KCNQ1OT1: variants seen among roughly 807,000 people sequenced by gnomAD.
The protein encoded by KCNQ1OT1 is KCNQ1 antisense RNA 2 (non-protein coding).
At position 2,693,024 on chromosome 11, in the gene KCNQ1OT1, G is replaced by C. The variant is rs1590036398; in HGVS notation, n.6971C>G. On this transcript the variant is annotated non_coding_transcript_exon_variant, in exon 1 of 1. Transcript: ENST00000597346. ...AGCAAGCACGCTCAGTGAAGGAACA[G>C]GAAGTCCTTTCTGGAGCAGGGGGAG... 2.3e-5 allele frequency: 9 copies of C among 398,668 alleles called. No individual in the cohort carries two copies. The East Asian group carries it at 3.2e-4, about 14-fold the overall frequency. The allele number at this position is 398,668 out of a possible 1,614,324, so 24.7% of individuals were successfully genotyped here.
At chr11:2,696,716 A>G in exon 1 of KCNQ1OT1, 1 of 398,536 alleles carries the variant, frequency 2.5e-6, no homozygotes, top group Non-Finnish European at 4.4e-6. Context: ...ATATGGAAAG[A>G]TCTCCCTCTA....
In KCNQ1OT1 at chr11:2,673,375, G is replaced by C; in HGVS notation, n.26620C>G. 1 of 398,680 alleles carries C rather than the reference G, an allele frequency of 2.5e-6. No homozygotes were observed. Among genetic ancestry groups the C allele is most frequent in the Non-Finnish European group, 4.4e-6 (1 of 226,088 alleles). 24.7% of individuals were successfully genotyped at this position (398,680 alleles called of 1,614,324 possible). A position where few individuals can be genotyped will look rare whatever the true frequency, so the allele number is the denominator to read the frequency against. On this transcript the variant is annotated non_coding_transcript_exon_variant, in exon 1 of 1. Transcript: ENST00000597346. The surrounding 1 kb of genome is among the most constrained non-coding windows in gnomAD (Gnocchi z 4.5). ...AAACAAAGGGAAGTGACAGAGCAGA[G>C]CTCCCCTTGGCCTTTGTTTAGCCCA...
In KCNQ1OT1 at chr11:2,626,534, T is replaced by C; in HGVS notation, n.73461A>G. ...ACTGTAGCTTCGTAATAAGTTGGGGTTTTTGTTTGTTTTTCAGACATTCTT... is the reference window on the plus strand; with the variant it reads ...ACTGTAGCTTCGTAATAAGTTGGGGCTTTTGTTTGTTTTTCAGACATTCTT... On this transcript the variant is annotated non_coding_transcript_exon_variant, in exon 1 of 1. Coordinates refer to ENST00000597346, the Ensembl canonical transcript of KCNQ1OT1. The surrounding 1 kb of genome is among the most constrained non-coding windows in gnomAD (Gnocchi z 4.0). 2.5e-6 allele frequency: 1 copy of C among 398,418 alleles called. No homozygotes were observed. Among genetic ancestry groups the C allele is most frequent in the Non-Finnish European group, 4.4e-6 (1 of 226,054 alleles). The allele number at this position is 398,418 out of a possible 1,614,324, so 24.7% of individuals were successfully genotyped here.
At chr11:2,666,234 G>C (rs909753750) in exon 1 of KCNQ1OT1, 6 of 398,540 alleles carry the variant, frequency 1.5e-5, no homozygotes, top group Non-Finnish European at 2.2e-5. Flanking sequence ...CCGGCCCATT[G>C]AGATGGGCAT....
exon 1 of KCNQ1OT1, chr11:2,665,097 G>A (rs1479194119): frequency 1.0e-5 from 4 of 398,442 alleles, no homozygotes; most frequent in Non-Finnish European, 1.8e-5. Context: ...AGGAGATAAA[G>A]AGTGGCGTCG....
Position 2,691,743 on chromosome 11 carries a change from G to T in KCNQ1OT1, n.8252C>A. 2.5e-6 allele frequency: 1 copy of T among 398,658 alleles called. No individual in the cohort carries two copies. Among genetic ancestry groups the T allele is most frequent in the Non-Finnish European group, 4.4e-6 (1 of 226,142 alleles). 24.7% of individuals were successfully genotyped at this position (398,658 alleles called of 1,614,324 possible). On this transcript the variant is annotated non_coding_transcript_exon_variant, in exon 1 of 1. Coordinates refer to ENST00000597346, the Ensembl canonical transcript of KCNQ1OT1. The surrounding 1 kb of genome is among the most constrained non-coding windows in gnomAD (Gnocchi z 6.4). ...CCCACAGGGAGCCACACAGGCAGGG[G>T]ACATTCCACTAGGGCCATTTGCAGG...
In KCNQ1OT1 at chr11:2,623,192, A is replaced by G; in HGVS notation, n.76803T>C. ...GCCTGCTTCTCCTTTGCCTTCCGCC[A>G]TGATTTTAAGTTTCTGAGGCCTGCC... On this transcript the variant is annotated non_coding_transcript_exon_variant, in exon 1 of 1. Coordinates refer to ENST00000597346, the Ensembl canonical transcript of KCNQ1OT1. This position sits in a 1 kb window ranked among gnomAD's most constrained non-coding sequence, Gnocchi z 5.2. 2.5e-6 allele frequency: 1 copy of G among 398,614 alleles called. No homozygotes were observed. Among genetic ancestry groups the G allele is most frequent in the Non-Finnish European group, 4.4e-6 (1 of 226,134 alleles). 24.7% of individuals were successfully genotyped at this position (398,614 alleles called of 1,614,324 possible). A position where few individuals can be genotyped will look rare whatever the true frequency, so the allele number is the denominator to read the frequency against.
rs759878927 is a variant in KCNQ1OT1, at chr11:2,659,207, T to C, written n.40788A>G. The C allele has an allele frequency of 2.5e-6, 1 of 398,636 alleles. No homozygotes were observed. Among genetic ancestry groups the C allele is most frequent in the African/African-American group, 2.1e-5 (1 of 48,748 alleles). 24.7% of individuals were successfully genotyped at this position (398,636 alleles called of 1,614,324 possible). A position where few individuals can be genotyped will look rare whatever the true frequency, so the allele number is the denominator to read the frequency against. ...GTCATGTGTCCACAATCCAGTATCA[T>C]TCACAGAAGTTCCATACCCCTAAAA... On this transcript the variant is annotated non_coding_transcript_exon_variant, in exon 1 of 1. Coordinates refer to ENST00000597346, the Ensembl canonical transcript of KCNQ1OT1. The surrounding 1 kb of genome is among the most constrained non-coding windows in gnomAD (Gnocchi z 4.3).
chr11:2,646,218 A>G, exon 1 of KCNQ1OT1: 1 of 398,648 alleles, frequency 2.5e-6, no homozygotes, highest in Non-Finnish European at 4.4e-6. Flanking sequence ...GGTGAGTGCC[A>G]GATGCCTCTA....
chr11:2,609,005 A>G (rs2133787932), exon 1 of KCNQ1OT1: 1 of 397,716 alleles, frequency 2.5e-6, no homozygotes, highest in Admixed American at 4.4e-5. Flanking sequence ...TGTTGACTTT[A>G]TTATTTTTAT....
Position 2,686,167 on chromosome 11 carries a change from A to G in KCNQ1OT1, n.13828T>C, listed in dbSNP as rs557745999. 5 of 398,830 alleles carry G rather than the reference A, an allele frequency of 1.3e-5. No individual in the cohort carries two copies. The South Asian group carries it at 6.4e-4, about 51-fold the overall frequency. The allele number at this position is 398,830 out of a possible 1,614,324, so 24.7% of individuals were successfully genotyped here. ...CTGGGGTTTGCTTCGCCTTTCTGAGAGCACAGCAATGCCTACTCATCCTGC... is the reference window on the plus strand; with the variant it reads ...CTGGGGTTTGCTTCGCCTTTCTGAGGGCACAGCAATGCCTACTCATCCTGC... On this transcript the variant is annotated non_coding_transcript_exon_variant, in exon 1 of 1. Coordinates refer to ENST00000597346, the Ensembl canonical transcript of KCNQ1OT1.
chr11:2,663,331 G>A lies in KCNQ1OT1; in HGVS notation n.36664C>T. On this transcript the variant is annotated non_coding_transcript_exon_variant, in exon 1 of 1. Transcript: ENST00000597346. This position sits in a 1 kb window ranked among gnomAD's most constrained non-coding sequence, Gnocchi z 5.2. ...GCTGGGTAAAAAGGCAGGAGCAGAGGTGTGAGCAGGCTGGTAGCCAGATGG... is the reference window on the plus strand; with the variant it reads ...GCTGGGTAAAAAGGCAGGAGCAGAGATGTGAGCAGGCTGGTAGCCAGATGG... 1 of 398,850 alleles carries A rather than the reference G, an allele frequency of 2.5e-6. No homozygotes were observed. The allele number at this position is 398,850 out of a possible 1,614,324, so 24.7% of individuals were successfully genotyped here. A position where few individuals can be genotyped will look rare whatever the true frequency, so the allele number is the denominator to read the frequency against.
At chr11:2,650,653 T>C in exon 1 of KCNQ1OT1, 1 of 398,674 alleles carries the variant, frequency 2.5e-6, no homozygotes, top group Non-Finnish European at 4.4e-6. Flanking sequence ...CTTCAAACTT[T>C]TTGACAAAGC....
At position 2,670,307 on chromosome 11, in the gene KCNQ1OT1, G is replaced by A. The variant is rs1254685095; in HGVS notation, n.29688C>T. ...GCAACCCATAGGTGCCCAATGGAGA[G>A]ATAATCTCAAATATGGTAGCAGAGT... is the stretch of plus-strand genomic sequence containing the variant. On this transcript the variant is annotated non_coding_transcript_exon_variant, in exon 1 of 1. Coordinates refer to ENST00000597346, the Ensembl canonical transcript of KCNQ1OT1. The surrounding 1 kb of genome is among the most constrained non-coding windows in gnomAD (Gnocchi z 4.9). The A allele has an allele frequency of 1.8e-5, 7 of 398,602 alleles. No homozygotes were observed. Among genetic ancestry groups the A allele is most frequent in the Admixed American group, 4.4e-5 (1 of 22,724 alleles). 24.7% of individuals were successfully genotyped at this position (398,602 alleles called of 1,614,324 possible).
In KCNQ1OT1 at chr11:2,624,119, G is replaced by A. The variant is rs918577529; in HGVS notation, n.75876C>T. On this transcript the variant is annotated non_coding_transcript_exon_variant, in exon 1 of 1. Transcript: ENST00000597346. This position sits in a 1 kb window ranked among gnomAD's most constrained non-coding sequence, Gnocchi z 4.9. ...TTGAATTTTGGCCATTCTAATAAGC[G>A]TGTAGATATATCACATTTCTTGTTT... 3.3e-5 allele frequency: 13 copies of A among 398,356 alleles called. No individual in the cohort carries two copies. The highest frequency in any genetic ancestry group is 1.3e-4 in the South Asian group (1 of 7,820). The allele number at this position is 398,356 out of a possible 1,614,324, so 24.7% of individuals were successfully genotyped here.
At chr11:2,666,103 T>C in exon 1 of KCNQ1OT1, 1 of 398,598 alleles carries the variant, frequency 2.5e-6, no homozygotes, top group East Asian at 3.6e-5. Context: ...AGCCCAGTCA[T>C]GTGGTTTCTC....
At chr11:2,688,925 G>A in exon 1 of KCNQ1OT1, 1 of 398,892 alleles carries the variant, frequency 2.5e-6, no homozygotes, top group East Asian at 3.6e-5. Flanking sequence ...ACACAGGCCT[G>A]TCTCACAGGC....
exon 1 of KCNQ1OT1, chr11:2,684,008 T>C (rs1325992875): frequency 2.5e-6 from 1 of 398,344 alleles, no homozygotes; most frequent in African/African-American, 2.1e-5. Context: ...ACTCCGTCTC[T>C]CCTTAGTCAA....
In KCNQ1OT1 at chr11:2,677,714, A is replaced by C. The variant is rs1850318356; in HGVS notation, n.22281T>G. 1 of 398,466 alleles carries C rather than the reference A, an allele frequency of 2.5e-6. No homozygotes were observed. The highest frequency in any genetic ancestry group is 2.1e-5 in the African/African-American group (1 of 48,632). 24.7% of individuals were successfully genotyped at this position (398,466 alleles called of 1,614,324 possible). ...TTTTTCAAATTAACTTCCCAATCAA[A>C]TATCTCTATTGTAAAATTTTGGTCT... On this transcript the variant is annotated non_coding_transcript_exon_variant, in exon 1 of 1. Transcript: ENST00000597346. The surrounding 1 kb of genome is among the most constrained non-coding windows in gnomAD (Gnocchi z 4.5).
Sources: allele counts gnomAD v4.1 joint callset, GRCh38; gene constraint gnomAD v4.1.1; non-coding constraint Gnocchi (gnomAD v3.1); transcripts MANE v1.5; gene names NCBI Gene and HGNC (gene_info 2026-07-23, HGNC 2026-07-21).